Variants in PRRG2 observed in about 807,000 individuals in gnomAD.
The protein encoded by PRRG2 is transmembrane gamma-carboxyglutamic acid protein 2.
In PRRG2, 23 loss-of-function variants were observed where a neutral mutation model predicts 27.1. That is an observed-to-expected ratio of 0.85 (90% confidence interval 0.61 to 1.20). PRRG2 has a LOEUF of 1.20. Ranked by LOEUF, PRRG2 falls within the 50% of genes most tolerant of loss-of-function variation. The pLI, the probability that PRRG2 is intolerant of heterozygous loss-of-function variation, is 0.00. For missense variants in PRRG2, 276 were observed against 254.8 expected, an observed-to-expected ratio of 1.08 and a Z score of -0.57; for synonymous variants, 104 against 103.4, an observed-to-expected ratio of 1.01 and a Z score of -0.03.
chr19:49,583,440 C>T, intron 2 of PRRG2, 102 bp from the exon 3 acceptor site: 1 of 1,516,446 alleles, frequency 6.6e-7, no homozygotes, highest in Non-Finnish European at 9.0e-7. Context: ...TCTGGATTCC[C>T]AGCCCCTGCT....
chr19:49,583,109 A>G, intron 1 of PRRG2, 98 bp from the exon 2 acceptor site: 1 of 877,754 alleles, frequency 1.1e-6, no homozygotes, highest in South Asian at 1.6e-5. Flanking sequence ...AGTGGCTGCT[A>G]TTATTGCCAT....
chr19:49,580,621 G>A (rs1417679996), upstream of PRRG2: 1 of 152,134 alleles, frequency 6.6e-6, no homozygotes, highest in Non-Finnish European at 1.5e-5. Context: ...CCAGCAGAAG[G>A]CACCGGAAGT....
At chr19:49,582,523 T>A (rs2080635435) in intron 1 of PRRG2, among the ~76,000 whole-genome samples, 1 of 151,712 alleles carries the variant, frequency 6.6e-6, no homozygotes, top group Admixed American at 6.6e-5. Context: ...CACCAGCACT[T>A]TGGGAGGCTG....
intron 5 of PRRG2, among the ~76,000 whole-genome samples, 193 bp from the exon 6 acceptor site, chr19:49,589,707 G>C (rs1254408792): frequency 1.3e-5 from 2 of 151,976 alleles, no homozygotes; most frequent in African/African-American, 4.8e-5. Flanking sequence ...TCTGTGTGCA[G>C]CTGCCTGTCA....
At chr19:49,586,675 A>T (rs2080672780) in intron 4 of PRRG2, among the ~76,000 whole-genome samples, 1 of 152,026 alleles carries the variant, frequency 6.6e-6, no homozygotes, top group South Asian at 2.1e-4. Flanking sequence ...ACATAGTGAA[A>T]CCCCGTCTCT....
At chr19:49,585,090 G>A (rs924857961) in intron 4 of PRRG2, among the ~76,000 whole-genome samples, 1 of 152,140 alleles carries the variant, frequency 6.6e-6, no homozygotes, top group Non-Finnish European at 1.5e-5. Context: ...TAGCAACGGG[G>A]CCTGGCCAGG....
intron 5 of PRRG2, 149 bp from the exon 6 acceptor site, chr19:49,589,751 G>T: frequency 1.2e-6 from 1 of 861,434 alleles, no homozygotes; most frequent in Non-Finnish European, 1.9e-6. Flanking sequence ...AGGCTAGGCT[G>T]AAGGTGACCC....
rs556558557 is a variant in PRRG2 at position 49,587,238 on chromosome 19, A to G, written c.302-1259A>G. On this transcript the variant is annotated intron_variant, in intron 4 of 6. Transcript: ENST00000246794. ...GTGATCTTCCTGCCTTAGCCTCCCA[A>G]AGTTCTGAAATTACAGCTGTGAGCC... Among the ~76,000 whole-genome samples, 55 of 151,386 alleles carry G rather than the reference A, an allele frequency of 3.6e-4. 1 individual carries two copies. The South Asian group carries it at 0.01, about 28-fold the overall frequency.
At position 49,590,415 on chromosome 19, in the gene PRRG2, C is replaced by T; in HGVS notation, c.*26C>T. ...AGAGCTGCTTTCGAGACCCGGCTCTCCGAACCGTGCCCCTGATTCATACCG... is the reference window on the plus strand; with the variant it reads ...AGAGCTGCTTTCGAGACCCGGCTCTTCGAACCGTGCCCCTGATTCATACCG... On this transcript the variant is annotated 3_prime_UTR_variant, in exon 7 of 7. Transcript: ENST00000246794. 6.2e-7 allele frequency: 1 copy of T among 1,614,036 alleles called. No homozygotes were observed.
In PRRG2 at chr19:49,590,434, C is replaced by A. The variant is rs367593496; in HGVS notation, c.*45C>A. The A allele has an allele frequency of 5.6e-6, 9 of 1,612,740 alleles. No homozygotes were observed. In the African/African-American group the frequency reaches 8.0e-5, roughly 14 times the overall value. On this transcript the variant is annotated 3_prime_UTR_variant, in exon 7 of 7. Transcript: ENST00000246794. ...GGCTCTCCGAACCGTGCCCCTGATT[C>A]ATACCGGATTCCGGAAGCCGCTAGG...
Position 49,590,009 on chromosome 19 carries a change from G to A in PRRG2, c.547G>A (p.Ala183Thr), listed in dbSNP as rs1416834418. The change falls in exon 6 of 7, where the codon GCA (alanine) becomes ACA (threonine). Residue 183 changes from alanine (A) to threonine (T), a missense_variant. Physicochemically the swap from Ala to Thr is moderately conservative, Grantham distance 58. Coordinates refer to ENST00000246794, the MANE Select transcript of PRRG2 (RefSeq NM_000951.3). Reference sequence around the variant, plus strand: ...CCTCCCCACCTATGAGCAGGCGCTGGCAGCCTCTGGGGTACACGACGCACC... The same window carrying A: ...CCTCCCCACCTATGAGCAGGCGCTGACAGCCTCTGGGGTACACGACGCACC... The part of the protein sequence containing the change: ...PGLPTYEQAL[A>T]ASGVHDAPPP... 1.3e-6 allele frequency: 2 copies of A among 1,532,950 alleles called. No homozygotes were observed. The highest frequency in any genetic ancestry group is 1.7e-6 in the Non-Finnish European group (2 of 1,145,728). 95.0% of individuals were successfully genotyped at this position (1,532,950 alleles called of 1,614,324 possible). A position where few individuals can be genotyped will look rare whatever the true frequency, so the allele number is the denominator to read the frequency against.
chr19:49,582,239 TAAAA>T (rs760309836), intron 1 of PRRG2, among the ~76,000 whole-genome samples: 9 of 74,810 alleles, frequency 1.2e-4, no homozygotes, highest in African/African-American at 4.8e-4. Flanking sequence ...AGACTCTGTC[TAAAA>T]AAAAAAAAAA....
intron 2 of PRRG2, 44 bp from the exon 3 acceptor site, chr19:49,583,498 C>T: frequency 6.2e-7 from 1 of 1,603,626 alleles, no homozygotes. Context: ...GACTCCAGCC[C>T]TAGGGACCCT....
At chr19:49,584,880 C>T (rs1161131719) in intron 4 of PRRG2, among the ~76,000 whole-genome samples, 2 of 152,208 alleles carry the variant, frequency 1.3e-5, no homozygotes, top group Non-Finnish European at 2.9e-5. Flanking sequence ...CTGAACCCTT[C>T]CCTGGTGTCC....
intron 1 of PRRG2, among the ~76,000 whole-genome samples, chr19:49,581,939 G>T (rs1406194814): frequency 6.6e-6 from 1 of 151,914 alleles, no homozygotes; most frequent in African/African-American, 2.4e-5. Flanking sequence ...TCTATACTGG[G>T]GATAATAATA....
At chr19:49,586,732 TC>T (rs2080673293) in intron 4 of PRRG2, among the ~76,000 whole-genome samples, 1 of 151,942 alleles carries the variant, frequency 6.6e-6, no homozygotes, top group Admixed American at 6.6e-5. Context: ...ACACCTGTAG[TC>T]CCAGCTACTT....
At chr19:49,588,302 T>C (rs1373917495) in intron 4 of PRRG2, among the ~76,000 whole-genome samples, 195 bp from the exon 5 acceptor site, 2 of 152,078 alleles carry the variant, frequency 1.3e-5, no homozygotes, top group African/African-American at 2.4e-5. Context: ...GGGGTTATGG[T>C]TCCCATTTTA....
At chr19:49,586,299 G>C (rs1000261389) in intron 4 of PRRG2, among the ~76,000 whole-genome samples, 1 of 151,062 alleles carries the variant, frequency 6.6e-6, no homozygotes, top group Non-Finnish European at 1.5e-5. Flanking sequence ...TGTTGTCTAC[G>C]CTGCTCTCGA....
rs865861518 is a variant in PRRG2 at position 49,590,182 on chromosome 19, C to A, written c.590+130C>A. 60 of 1,378,052 alleles carry A rather than the reference C, an allele frequency of 4.4e-5. 1 individual carries two copies. Among genetic ancestry groups the A allele is most frequent in the Middle Eastern group, 4.3e-4 (2 of 4,616 alleles). 85.4% of individuals were successfully genotyped at this position (1,378,052 alleles called of 1,614,324 possible). A position where few individuals can be genotyped will look rare whatever the true frequency, so the allele number is the denominator to read the frequency against. The stretch of plus-strand genomic sequence containing the variant: ...TGGGGCGGGGCTTGGAGTGCGGGGG[C>A]GGGGCCCCATGCAATGGTCTAGGGG... On this transcript the variant is annotated intron_variant, in intron 6 of 6. Coordinates refer to ENST00000246794, the MANE Select transcript of PRRG2 (RefSeq NM_000951.3).
Sources: gnomAD v4.1 joint callset for allele counts (sites outside exome capture counted in the v4.1 genomes callset) on GRCh38, gnomAD v4.1.1 for gene constraint, MANE v1.5 for transcripts, NCBI Gene and HGNC (gene_info 2026-07-23, HGNC 2026-07-21) for gene names.